CNTN5: variants seen among roughly 807,000 people sequenced by gnomAD.
CNTN5 encodes contactin-5.
In CNTN5, 77 loss-of-function variants were observed where a neutral mutation model predicts 129.1. That is an observed-to-expected ratio of 0.60 (90% confidence interval 0.50 to 0.72). The LOEUF (loss-of-function observed/expected upper bound fraction) is 0.72, where lower values mean the gene tolerates loss of function less well. CNTN5 is among the 30% of genes least tolerant of loss of function. CNTN5 has a pLI of 0.00. For missense variants in CNTN5, 1,478 were observed against 1,328.8 expected (o/e 1.11, Z -1.75); for synonymous variants, 509 against 465.6 (o/e 1.09, Z -1.20).
intron 9 of CNTN5, among the ~76,000 whole-genome samples, chr11:100,046,362 G>C (rs138966841): frequency 6.6e-6 from 1 of 152,086 alleles, no homozygotes; most frequent in African/African-American, 2.4e-5. Flanking sequence ...CCATCTGCCT[G>C]TATTCTCTCA....
chr11:100,340,511 A>C lies in CNTN5; in HGVS notation c.2779A>C (p.Lys927Gln). 1.9e-6 allele frequency: 3 copies of C among 1,613,368 alleles called. No individual in the cohort carries two copies. Among genetic ancestry groups the C allele is most frequent in the Non-Finnish European group, 2.5e-6 (3 of 1,179,556 alleles). The change falls in exon 22 of 25, where the codon AAA becomes CAA. Residue 927 changes from lysine (K) to glutamine (Q), a missense_variant. Transcript: ENST00000524871. ...MEQEDTAETV[K>Q]TRGNESFVIL... ...ACAGGAAGATACAGCAGAAACAGTC[A>C]AAACTAGAGGGAATGAGTCTTTCGT...
chr11:99,466,703 C>T (rs1944958300), intron 2 of CNTN5, among the ~76,000 whole-genome samples: 1 of 152,144 alleles, frequency 6.6e-6, no homozygotes, highest in Admixed American at 6.5e-5. Flanking sequence ...GGCTCTGTTC[C>T]AGTCATTAGG....
intron 1 of CNTN5, among the ~76,000 whole-genome samples, chr11:99,268,907 T>G (rs1260965638): frequency 2.6e-5 from 4 of 151,958 alleles, no homozygotes; most frequent in Non-Finnish European, 4.4e-5. Flanking sequence ...GAAAGGATAG[T>G]AATCTCCAAT....
At chr11:99,095,599 G>A (rs1408241662) in intron 1 of CNTN5, among the ~76,000 whole-genome samples, 2 of 151,900 alleles carry the variant, frequency 1.3e-5, no homozygotes, top group Non-Finnish European at 2.9e-5. Context: ...AGACATAAAA[G>A]TACATTAATA....
At chr11:99,592,519 A>G (rs1223647300) in intron 3 of CNTN5, among the ~76,000 whole-genome samples, 1 of 152,188 alleles carries the variant, frequency 6.6e-6, no homozygotes, top group Non-Finnish European at 1.5e-5. Context: ...GTATGATAAC[A>G]TGGGAAGACG....
chr11:99,919,488 A>C (rs1949880610), intron 7 of CNTN5, among the ~76,000 whole-genome samples: 1 of 152,128 alleles, frequency 6.6e-6, no homozygotes, highest in African/African-American at 2.4e-5. Context: ...AAAACTTCAA[A>C]AACTTTGTCT....
chr11:99,931,377 G>C (rs1591439681), intron 7 of CNTN5, among the ~76,000 whole-genome samples: 3 of 152,240 alleles, frequency 2.0e-5, no homozygotes, highest in African/African-American at 7.2e-5. Context: ...GTTTGTTTTA[G>C]AATATTTAGA....
At chr11:99,562,343 G>C (rs971972059) in intron 3 of CNTN5, among the ~76,000 whole-genome samples, 1 of 151,748 alleles carries the variant, frequency 6.6e-6, no homozygotes, top group African/African-American at 2.4e-5. Flanking sequence ...ATATTTCTCT[G>C]AGTTATCAGT....
At chr11:99,519,292 T>C (rs1201094718) in intron 2 of CNTN5, among the ~76,000 whole-genome samples, 2 of 152,180 alleles carry the variant, frequency 1.3e-5, no homozygotes, top group East Asian at 3.9e-4. Flanking sequence ...CCCTGCTGGG[T>C]CAAATTCCTC....
At chr11:100,264,764 G>T (rs1950268645) in intron 17 of CNTN5, among the ~76,000 whole-genome samples, 1 of 151,974 alleles carries the variant, frequency 6.6e-6, no homozygotes, top group African/African-American at 2.4e-5. Flanking sequence ...GCGATTGCTG[G>T]GTCAAATGGT....
chr11:99,698,062 G>GT (rs11431417), intron 3 of CNTN5, among the ~76,000 whole-genome samples: 44,301 of 144,190 alleles, frequency 0.31, 6,700 homozygotes, highest in Middle Eastern at 0.44. Flanking sequence ...ATATGTTAGT[G>GT]TTTTTTTTTT....
intron 8 of CNTN5, among the ~76,000 whole-genome samples, chr11:99,972,085 T>TA (rs71050038): frequency 0.15 from 13,811 of 91,920 alleles, 1,630 homozygotes; most frequent in Non-Finnish European, 0.19. Flanking sequence ...TTATCTCTAT[T>TA]AAAAAAAAAA....
At chr11:99,598,373 TCC>T (rs1222287962) in intron 3 of CNTN5, among the ~76,000 whole-genome samples, 1,004 of 16,084 alleles carry the variant, frequency 0.062, 244 homozygotes, top group Non-Finnish European at 0.072. Flanking sequence ...TCTCTCTCTC[TCC>T]CTCTCTCTCT....
At chr11:99,181,008 C>G (rs1215585817) in intron 1 of CNTN5, among the ~76,000 whole-genome samples, 1 of 152,214 alleles carries the variant, frequency 6.6e-6, no homozygotes, top group East Asian at 1.9e-4. Context: ...GTGCTACTAT[C>G]ATTAAGAGCT....
intron 1 of CNTN5, among the ~76,000 whole-genome samples, chr11:99,098,918 G>A (rs1048860472): frequency 2.0e-5 from 3 of 151,950 alleles, no homozygotes; most frequent in Non-Finnish European, 2.9e-5. Flanking sequence ...AGGTGTTATC[G>A]CACTGGTATC....
At chr11:99,734,795 A>T (rs1392596488) in intron 3 of CNTN5, among the ~76,000 whole-genome samples, 2 of 151,616 alleles carry the variant, frequency 1.3e-5, no homozygotes, top group Admixed American at 6.6e-5. Flanking sequence ...AGCTACCTAT[A>T]CAATAGTCTC....
At chr11:99,976,600 G>T (rs1263492515) in intron 8 of CNTN5, among the ~76,000 whole-genome samples, 3 of 152,190 alleles carry the variant, frequency 2.0e-5, no homozygotes, top group Non-Finnish European at 2.9e-5. Context: ...AAGGCTTGGG[G>T]CTTTCACTCT....
chr11:99,744,998 C>T (rs1019407360), intron 3 of CNTN5, among the ~76,000 whole-genome samples: 12 of 152,130 alleles, frequency 7.9e-5, no homozygotes, highest in African/African-American at 2.4e-4. Context: ...TCAGTCCTTC[C>T]AAGTAGTTGA....
chr11:99,307,569 A>T (rs1392027295), intron 1 of CNTN5, among the ~76,000 whole-genome samples: 1 of 152,150 alleles, frequency 6.6e-6, no homozygotes, highest in Non-Finnish European at 1.5e-5. Flanking sequence ...TTAATGTAAC[A>T]GTCTTCTGTT....
Sources: allele counts gnomAD v4.1 joint callset (sites outside exome capture counted in the v4.1 genomes callset), GRCh38; gene constraint gnomAD v4.1.1; transcripts MANE v1.5; gene names NCBI Gene and HGNC (gene_info 2026-07-23, HGNC 2026-07-21).